SUGCT: variants seen among roughly 807,000 people sequenced by gnomAD.
SUGCT encodes succinyl-CoA:glutarate CoA-transferase.
In SUGCT, 41 loss-of-function variants were observed where a neutral mutation model predicts 55.0. That is an observed-to-expected ratio of 0.74 (90% CI 0.58 to 0.97). SUGCT has a LOEUF of 0.97. Among genes scored for constraint, SUGCT ranks in the 50% least tolerant of loss-of-function variants. The pLI, the probability that SUGCT is intolerant of heterozygous loss-of-function variation, is 0.00. For missense variants in SUGCT, 568 were observed against 547.8 expected, an observed-to-expected ratio of 1.04 and a Z score of -0.37; for synonymous variants, 187 against 200.4, an observed-to-expected ratio of 0.93 and a Z score of 0.56.
intron 5 of SUGCT, among the ~76,000 whole-genome samples, chr7:40,193,427 G>A (rs1460794250): frequency 6.6e-6 from 1 of 151,410 alleles, no homozygotes; most frequent in Non-Finnish European, 1.5e-5. Context: ...TGAGACTACA[G>A]GCACGTGCCA....
the SUGCT span, among the ~76,000 whole-genome samples, chr7:40,961,412 C>T: frequency 6.6e-6 from 1 of 152,144 alleles, no homozygotes; most frequent in Non-Finnish European, 1.5e-5. Flanking sequence ...TAACAGAACT[C>T]TATTCTGTTT....
At position 40,602,335 on chromosome 7, in the gene SUGCT, A is replaced by T. The variant is rs567664707; in HGVS notation, c.1089+105949A>T. ...TAAAAGAAACTGTTTTAATGAAGGG[A>T]TCTGTCGGGGGGAAGAAGAGGGCTC... On this transcript the variant is annotated intron_variant, in intron 12 of 13. Transcript: ENST00000335693. Among the ~76,000 whole-genome samples, 260 of 152,288 alleles carry T rather than the reference A, an allele frequency of 1.7e-3. 1 individual carries two copies. The highest frequency in any genetic ancestry group is 1.0e-2 in the South Asian group (48 of 4,820).
chr7:40,878,480 AC>A, the SUGCT span, among the ~76,000 whole-genome samples: 1 of 152,166 alleles, frequency 6.6e-6, no homozygotes, highest in East Asian at 1.9e-4. Context: ...GAAGGAGCTG[AC>A]TATTGGGCTG....
chr7:40,188,648 A>G (rs942252898), intron 4 of SUGCT, 68 bp downstream of exon 4: 5 of 948,388 alleles, frequency 5.3e-6, no homozygotes, highest in Non-Finnish European at 7.8e-6. Context: ...TGTTGATATC[A>G]TTGTGGCTTG....
chr7:40,738,834 T>A (rs1787313417), intron 12 of SUGCT, among the ~76,000 whole-genome samples: 1 of 152,206 alleles, frequency 6.6e-6, no homozygotes, highest in Non-Finnish European at 1.5e-5. Context: ...ATTCTATAAC[T>A]TGATAAAGTA....
chr7:40,641,128 G>T (rs1181890062), intron 12 of SUGCT, among the ~76,000 whole-genome samples: 1 of 152,152 alleles, frequency 6.6e-6, no homozygotes, highest in Non-Finnish European at 1.5e-5. Flanking sequence ...TGTTTCAAAT[G>T]ATTTATGGGA....
Position 40,180,951 on chromosome 7 carries a change from G to T in SUGCT, c.105G>T (p.Met35Ile), listed in dbSNP as rs1177392822. 29 of 1,606,918 alleles carry T rather than the reference G, an allele frequency of 1.8e-5. No homozygotes were observed. Among genetic ancestry groups the T allele is most frequent in the Non-Finnish European group, 2.3e-5 (27 of 1,174,172 alleles). The part of the protein sequence containing the change: ...GLWTGRPQSD[M>I]NNIKPLEGVK... ...ATGTTTTCTCTGTTTTGCCAGATAT[G>T]AACAATATAAAGCCATTGGAAGGGG... Residue 35 changes from methionine to isoleucine, a missense_variant, in exon 2 of 14, where the codon ATG (methionine) becomes ATT (isoleucine). Physicochemically the swap from Met to Ile is conservative, Grantham distance 10. Transcript: ENST00000335693.
At chr7:40,670,169 C>CAAAAAAAAAAAA (rs34786531) in intron 12 of SUGCT, among the ~76,000 whole-genome samples, 29 of 58,210 alleles carry the variant, frequency 5.0e-4, no homozygotes, top group East Asian at 1.1e-3. Context: ...GACTCCATCT[C>CAAAAAAAAAAAA]AAAAAAAAAA....
intron 9 of SUGCT, among the ~76,000 whole-genome samples, chr7:40,322,964 C>T (rs1406691522): frequency 4.1e-5 from 1 of 24,210 alleles, no homozygotes; most frequent in Non-Finnish European, 7.9e-5. Context: ...GACCCTGTCT[C>T]AAATAAAATA....
intron 9 of SUGCT, among the ~76,000 whole-genome samples, chr7:40,444,784 GCA>G (rs747458173): frequency 1.1e-4 from 17 of 152,108 alleles, no homozygotes; most frequent in Non-Finnish European, 2.4e-4. Context: ...GTGAGAGAGG[GCA>G]TCCTTGTCTT....
intron 12 of SUGCT, among the ~76,000 whole-genome samples, chr7:40,632,431 G>C (rs898057997): frequency 6.6e-6 from 1 of 151,196 alleles, no homozygotes; most frequent in Non-Finnish European, 1.5e-5. Context: ...TCAGGCATCT[G>C]TTCCTCTGTA....
intron 12 of SUGCT, among the ~76,000 whole-genome samples, chr7:40,707,778 G>A (rs1165937710): frequency 6.6e-6 from 1 of 152,186 alleles, no homozygotes. Context: ...CTCCATGGAT[G>A]TAAGCCTTAA....
the SUGCT span, among the ~76,000 whole-genome samples, chr7:40,928,603 A>ATTT: frequency 1.4e-5 from 2 of 144,562 alleles, no homozygotes; most frequent in East Asian, 2.0e-4. Context: ...TAAAACTCTA[A>ATTT]TTTTTTTTTT....
At chr7:40,664,873 G>T (rs1440939060) in intron 12 of SUGCT, among the ~76,000 whole-genome samples, 2 of 151,650 alleles carry the variant, frequency 1.3e-5, no homozygotes, top group African/African-American at 4.8e-5. Flanking sequence ...CCAGCTGCTC[G>T]GGAGGCTGAG....
the SUGCT span, among the ~76,000 whole-genome samples, chr7:40,879,653 T>A: frequency 6.6e-6 from 1 of 152,194 alleles, no homozygotes; most frequent in African/African-American, 2.4e-5. Flanking sequence ...ATTTTGCATA[T>A]TTTTTTCCAT....
At chr7:40,764,171 C>T (rs575778755) in intron 13 of SUGCT, among the ~76,000 whole-genome samples, 2 of 152,298 alleles carry the variant, frequency 1.3e-5, no homozygotes, top group South Asian at 4.1e-4. Context: ...TTTATTTCTG[C>T]AAGAAGTTCC....
chr7:40,135,077 C>A lies in SUGCT; in HGVS notation c.57C>A (p.Gly19=). The A allele has an allele frequency of 6.4e-7, 1 of 1,560,440 alleles. No homozygotes were observed. The highest frequency in any genetic ancestry group is 8.7e-7 in the Non-Finnish European group (1 of 1,153,458). Residue 19 remains glycine (G), a synonymous_variant, in exon 1 of 14, where the codon GGC becomes GGA. Coordinates refer to ENST00000335693, the MANE Select transcript of SUGCT (RefSeq NM_001193313.2). ...TGCGCAGAACCTGCCTCTTCTCCGG[C>A]CGGGGCGGCGGGAGGGGGCTGTGGA... is the stretch of plus-strand genomic sequence containing the variant. The part of the protein sequence containing the change: ...AALRRTCLFS[G]RGGGRGLWTG...
intron 13 of SUGCT, among the ~76,000 whole-genome samples, chr7:40,833,714 G>A (rs1457678960): frequency 6.6e-6 from 1 of 152,124 alleles, no homozygotes; most frequent in African/African-American, 2.4e-5. Flanking sequence ...ATTTGTTTCT[G>A]GACTGAATGA....
chr7:40,254,485 C>T (rs1790660886), intron 7 of SUGCT, among the ~76,000 whole-genome samples: 1 of 151,494 alleles, frequency 6.6e-6, no homozygotes, highest in African/African-American at 2.4e-5. Flanking sequence ...GCAACCTCTG[C>T]CGCCTGGATT....
Sources: gnomAD v4.1 joint callset for allele counts (sites outside exome capture counted in the v4.1 genomes callset) on GRCh38, gnomAD v4.1.1 for gene constraint, MANE v1.5 for transcripts, NCBI Gene and HGNC (gene_info 2026-07-23, HGNC 2026-07-21) for gene names.